Variants in CADM2 observed in about 807,000 individuals in gnomAD.
The protein encoded by CADM2 is immunoglobulin superfamily member 4D.
Under a neutral mutation model 49.8 loss-of-function variants are expected in CADM2, and 12 were observed. The ratio of observed to expected loss-of-function variants is 0.24; its 90% CI spans 0.15 to 0.39. CADM2 has a LOEUF of 0.39. CADM2 is among the 10% of genes least tolerant of loss of function. CADM2 has a pLI of 1.00. For synonymous variants in CADM2, 214 were observed against 175.4 expected (o/e 1.22, Z -1.74); for missense variants, 378 against 492.3 (o/e 0.77, Z 2.20).
intron 1 of CADM2, among the ~76,000 whole-genome samples, chr3:85,032,882 C>G (rs1230967102): frequency 1.3e-5 from 2 of 152,106 alleles, no homozygotes; most frequent in Non-Finnish European, 1.5e-5. Context: ...CTACAATAAA[C>G]TTTTCATGGC....
intron 1 of CADM2, among the ~76,000 whole-genome samples, chr3:85,480,586 T>C (rs1177175119): frequency 1.3e-5 from 2 of 151,882 alleles, no homozygotes; most frequent in African/African-American, 2.4e-5. Context: ...ATTATAAGCA[T>C]TATAAAGGAT....
chr3:85,832,341 A>C (rs1456000465), intron 3 of CADM2, among the ~76,000 whole-genome samples: 1 of 151,834 alleles, frequency 6.6e-6, no homozygotes, highest in Non-Finnish European at 1.5e-5. Flanking sequence ...TAGTATATCC[A>C]GTTCTGTGAA....
At chr3:85,152,998 A>C (rs968856513) in intron 1 of CADM2, among the ~76,000 whole-genome samples, 16 of 151,976 alleles carry the variant, frequency 1.1e-4, no homozygotes, top group Non-Finnish European at 2.9e-5. Flanking sequence ...AAAATCTTTC[A>C]ATTGGCAATA....
chr3:85,416,599 A>G (rs1191490453), intron 1 of CADM2, among the ~76,000 whole-genome samples: 1 of 152,190 alleles, frequency 6.6e-6, no homozygotes, highest in Non-Finnish European at 1.5e-5. Flanking sequence ...CCAAAGAAGC[A>G]ATGAGAACAA....
intron 1 of CADM2, among the ~76,000 whole-genome samples, chr3:85,320,499 A>T (rs1228336399): frequency 6.6e-6 from 1 of 152,180 alleles, no homozygotes; most frequent in East Asian, 1.9e-4. Flanking sequence ...TGATTTCTGT[A>T]GCTGCCGGTG....
At chr3:85,208,469 A>G (rs973441631) in intron 1 of CADM2, among the ~76,000 whole-genome samples, 5 of 152,148 alleles carry the variant, frequency 3.3e-5, no homozygotes, top group African/African-American at 1.2e-4. Flanking sequence ...TTTTGCTCAC[A>G]AGGTGACCTG....
intron 1 of CADM2, among the ~76,000 whole-genome samples, chr3:85,315,869 T>G (rs912870868): frequency 2.0e-5 from 3 of 152,158 alleles, no homozygotes; most frequent in African/African-American, 7.2e-5. Flanking sequence ...TAATTCATTA[T>G]TTAGTGAAGA....
chr3:85,113,471 C>G (rs924246400), intron 1 of CADM2, among the ~76,000 whole-genome samples: 1 of 151,710 alleles, frequency 6.6e-6, no homozygotes, highest in Non-Finnish European at 1.5e-5. Flanking sequence ...GAATAAAGTT[C>G]CACCAAAGTA....
intron 1 of CADM2, among the ~76,000 whole-genome samples, chr3:84,966,840 C>T (rs2031032973): frequency 1.3e-5 from 2 of 151,912 alleles, no homozygotes; most frequent in East Asian, 1.9e-4. Context: ...AAGAGGAAGT[C>T]CCTGTCTAGT....
chr3:85,491,809 G>A (rs957913245), intron 1 of CADM2, among the ~76,000 whole-genome samples: 3 of 152,096 alleles, frequency 2.0e-5, no homozygotes, highest in East Asian at 1.9e-4. Context: ...AAAAATAGCC[G>A]GGTGTGGTGG....
At chr3:85,797,021 G>A (rs2071665622) in intron 2 of CADM2, among the ~76,000 whole-genome samples, 1 of 151,272 alleles carries the variant, frequency 6.6e-6, no homozygotes, top group Non-Finnish European at 1.5e-5. Context: ...TTGAACTCAG[G>A]AGGCGGAGGT....
At position 85,232,901 on chromosome 3, in the gene CADM2, T is replaced by C. The variant is rs548858355; in HGVS notation, c.61+273233T>C. Reference sequence around the variant, plus strand: ...ATGACCACACATGCAGATATTTACTTAGAAGAGTTGAAAATTTATGTCCAT... The same window carrying C: ...ATGACCACACATGCAGATATTTACTCAGAAGAGTTGAAAATTTATGTCCAT... On this transcript the variant is annotated intron_variant, in intron 1 of 9. Coordinates refer to ENST00000383699, the MANE Select transcript of CADM2 (RefSeq NM_001167675.2). 3.3e-5 allele frequency among the ~76,000 whole-genome samples: 5 copies of C among 152,298 alleles called. No individual in the cohort carries two copies. In the South Asian group the frequency reaches 1.0e-3, roughly 32 times the overall value.
chr3:84,962,373 C>T (rs2030621395), intron 1 of CADM2, among the ~76,000 whole-genome samples: 2 of 151,460 alleles, frequency 1.3e-5, no homozygotes, highest in South Asian at 4.2e-4. Context: ...AAACACTGCT[C>T]CACAGACACA....
At chr3:85,663,543 C>T (rs2065474547) in intron 1 of CADM2, among the ~76,000 whole-genome samples, 1 of 152,020 alleles carries the variant, frequency 6.6e-6, no homozygotes, top group African/African-American at 2.4e-5. Context: ...AACCTCTGTG[C>T]TCACTAAGCT....
intron 1 of CADM2, among the ~76,000 whole-genome samples, chr3:85,305,798 A>C (rs773351295): frequency 1.3e-5 from 2 of 151,716 alleles, no homozygotes; most frequent in Non-Finnish European, 3.0e-5. Flanking sequence ...AAAACAATTT[A>C]CTTACTTTAA....
chr3:85,935,137 A>T (rs1333403305), intron 6 of CADM2, among the ~76,000 whole-genome samples: 7 of 152,128 alleles, frequency 4.6e-5, no homozygotes, highest in Admixed American at 4.6e-4. Flanking sequence ...AAATGGAAAT[A>T]AATAATTTTC....
intron 1 of CADM2, among the ~76,000 whole-genome samples, chr3:85,319,666 T>C (rs1213390163): frequency 6.6e-6 from 1 of 152,200 alleles, no homozygotes; most frequent in Non-Finnish European, 1.5e-5. Flanking sequence ...CTGTAGGCCA[T>C]TATCCTTAGC....
At chr3:85,260,963 C>G (rs2043002221) in intron 1 of CADM2, among the ~76,000 whole-genome samples, 1 of 152,032 alleles carries the variant, frequency 6.6e-6, no homozygotes, top group Non-Finnish European at 1.5e-5. Flanking sequence ...CTCCTGCGCT[C>G]CAGTTTGAGT....
At chr3:85,643,655 T>C (rs1293690044) in intron 1 of CADM2, among the ~76,000 whole-genome samples, 1 of 152,148 alleles carries the variant, frequency 6.6e-6, no homozygotes. Context: ...ATCCTAAGAA[T>C]TGTCTAAACC....
Sources: gnomAD v4.1 joint callset for allele counts (sites outside exome capture counted in the v4.1 genomes callset) on GRCh38, gnomAD v4.1.1 for gene constraint, MANE v1.5 for transcripts, NCBI Gene and HGNC (gene_info 2026-07-23, HGNC 2026-07-21) for gene names.